Variants in HDAC4 observed in about 807,000 individuals in gnomAD.
HDAC4 encodes histone deacetylase A.
A neutral mutation model predicts 135.1 loss-of-function variants in HDAC4; 16 were observed. That is an observed-to-expected ratio of 0.12 (90% confidence interval 0.08 to 0.18). HDAC4 has a LOEUF of 0.18. HDAC4 is among the 10% of genes least tolerant of loss of function. HDAC4 has a pLI of 1.00. For missense variants in HDAC4, 1,143 were observed against 1,511.8 expected (o/e 0.76, Z 4.05); for synonymous variants, 685 against 653.4 (o/e 1.05, Z -0.74).
chr2:239,165,721 C>T (rs889311026), intron 5 of HDAC4, among the ~76,000 whole-genome samples: 1 of 152,154 alleles, frequency 6.6e-6, no homozygotes, highest in African/African-American at 2.4e-5. Context: ...TCGTGGCTCT[C>T]GGCTGCTCCG....
At chr2:239,163,686 C>G in intron 6 of HDAC4, 117 bp downstream of exon 6, 2 of 1,106,710 alleles carry the variant, frequency 1.8e-6, no homozygotes, top group Non-Finnish European at 2.8e-6. Flanking sequence ...GTTTCAATTC[C>G]TCACCCTCCT....
chr2:239,079,189 G>A (rs958273392), intron 22 of HDAC4, among the ~76,000 whole-genome samples: 1 of 152,222 alleles, frequency 6.6e-6, no homozygotes, highest in Non-Finnish European at 1.5e-5. Flanking sequence ...GCTCATTTTC[G>A]GAAGTGGTAC....
At chr2:239,281,362 ACACAC>A (rs1471520022) in intron 2 of HDAC4, among the ~76,000 whole-genome samples, 2 of 112,358 alleles carry the variant, frequency 1.8e-5, no homozygotes, top group African/African-American at 3.0e-5. Context: ...TCTACAATGA[ACACAC>A]CACTCTACAC....
chr2:239,121,004 T>TTC lies in HDAC4; in HGVS notation c.1533+5451_1533+5452insGA, dbSNP rs1553623212. On this transcript the variant is annotated intron_variant, in intron 12 of 26. Transcript: ENST00000543185. ...CTGATGCTTTCCTTTAAATTTCTTT[T>TTC]TTTTTTTTTTTGAGACAGGGTCTTG... 3.1e-4 allele frequency among the ~76,000 whole-genome samples: 47 copies of TTC among 149,356 alleles called. 1 individual carries two copies. The highest frequency in any genetic ancestry group is 1.1e-3 in the African/African-American group (46 of 41,106).
At chr2:239,136,135 ATGT>A (rs1224474883) in intron 9 of HDAC4, among the ~76,000 whole-genome samples, 1 of 152,334 alleles carries the variant, frequency 6.6e-6, no homozygotes, top group Admixed American at 6.5e-5. Context: ...AAGGAATAAA[ATGT>A]TGTTGTAATC....
At chr2:239,398,017 G>A (rs534631906) in intron 1 of HDAC4, among the ~76,000 whole-genome samples, 11 of 152,310 alleles carry the variant, frequency 7.2e-5, no homozygotes, top group African/African-American at 2.4e-4. Context: ...GCTCAGTCTC[G>A]GTTCCACAGC....
chr2:239,319,331 T>C (rs1381577218), intron 2 of HDAC4, among the ~76,000 whole-genome samples: 2 of 152,206 alleles, frequency 1.3e-5, no homozygotes, highest in Non-Finnish European at 2.9e-5. Flanking sequence ...CACCCAGATA[T>C]TTCAATTCTG....
At chr2:239,103,117 T>C (rs1559432145) in intron 15 of HDAC4, among the ~76,000 whole-genome samples, 1 of 152,228 alleles carries the variant, frequency 6.6e-6, no homozygotes, top group Non-Finnish European at 1.5e-5. Context: ...TAATTATAGC[T>C]TTGAAAAAAC....
At chr2:239,327,649 G>A (rs371013054) in intron 2 of HDAC4, among the ~76,000 whole-genome samples, 5 of 152,196 alleles carry the variant, frequency 3.3e-5, no homozygotes, top group Admixed American at 6.5e-5. Context: ...GACTTGGCCC[G>A]GGACTGCCCT....
intron 2 of HDAC4, among the ~76,000 whole-genome samples, chr2:239,334,534 A>C (rs537284068): frequency 6.6e-6 from 1 of 151,678 alleles, no homozygotes; most frequent in African/African-American, 2.4e-5. Flanking sequence ...ACAAACAAAT[A>C]AAAAAAAACT....
chr2:239,178,023 C>G (rs1338294900), intron 4 of HDAC4, among the ~76,000 whole-genome samples: 2 of 152,246 alleles, frequency 1.3e-5, no homozygotes, highest in African/African-American at 4.8e-5. Context: ...GCACGTCCTT[C>G]CGCTCCTCTG....
intron 2 of HDAC4, among the ~76,000 whole-genome samples, chr2:239,238,688 G>A (rs987792896): frequency 2.0e-5 from 3 of 152,144 alleles, no homozygotes; most frequent in Non-Finnish European, 2.9e-5. Flanking sequence ...CCCAAAAGGC[G>A]GATCCCTCCA....
intron 5 of HDAC4, among the ~76,000 whole-genome samples, chr2:239,174,309 A>G (rs2043623062): frequency 6.6e-6 from 1 of 152,230 alleles, no homozygotes; most frequent in Non-Finnish European, 1.5e-5. Context: ...TATATAAAGA[A>G]CAACTCCAAA....
At chr2:239,390,931 A>G (rs1224620378) in intron 1 of HDAC4, among the ~76,000 whole-genome samples, 1 of 152,202 alleles carries the variant, frequency 6.6e-6, no homozygotes, top group African/African-American at 2.4e-5. Flanking sequence ...AGGGGAGGGA[A>G]AGCGGGGCAG....
chr2:239,396,878 C>T lies in HDAC4; in HGVS notation c.-220+4100G>A, dbSNP rs535280131. On this transcript the variant is annotated intron_variant, in intron 1 of 26. Transcript: ENST00000543185. The stretch of plus-strand genomic sequence containing the variant: ...GAACAACAAACACTAAAAGCTGCTC[C>T]GGCTGAAGTGGACTTGGAGCATTAG... Among the ~76,000 whole-genome samples, 7 of 152,336 alleles carry T rather than the reference C, an allele frequency of 4.6e-5. No homozygotes were observed. The East Asian group carries it at 5.8e-4, about 13-fold the overall frequency.
intron 2 of HDAC4, among the ~76,000 whole-genome samples, chr2:239,311,373 T>C (rs1025302330): frequency 6.6e-6 from 1 of 152,156 alleles, no homozygotes; most frequent in African/African-American, 2.4e-5. Context: ...TGGGTAGCAT[T>C]TGTCAAGCGC....
intron 12 of HDAC4, among the ~76,000 whole-genome samples, chr2:239,124,934 G>A (rs940323741): frequency 4.7e-5 from 7 of 149,610 alleles, no homozygotes; most frequent in Admixed American, 1.3e-4. Context: ...GTGTGGCTGC[G>A]TTATATGACA....
At chr2:239,354,998 C>T (rs1575740768) in intron 1 of HDAC4, among the ~76,000 whole-genome samples, 1 of 152,118 alleles carries the variant, frequency 6.6e-6, no homozygotes, top group Admixed American at 6.5e-5. Context: ...AAGTTTAAGT[C>T]CAGCTCAATT....
rs957550247 is a variant in HDAC4, at chr2:239,167,126, G to A, written c.491-3203C>T. Among the ~76,000 whole-genome samples, 16 of 152,184 alleles carry A rather than the reference G, an allele frequency of 1.1e-4. No individual in the cohort carries two copies. The highest frequency in any genetic ancestry group is 8.5e-4 in the Admixed American group (13 of 15,300). ...AGAGCAGGACAAGAAGCAGGTTCTC[G>A]GTGTGCGGGACGAGGACGCCCTCAA... On this transcript the variant is annotated intron_variant, in intron 5 of 26. Transcript: ENST00000543185. The surrounding 1 kb of genome is among the most constrained non-coding windows in gnomAD (Gnocchi z 4.1).
Sources: allele counts gnomAD v4.1 joint callset (sites outside exome capture counted in the v4.1 genomes callset), GRCh38; gene constraint gnomAD v4.1.1; non-coding constraint Gnocchi (gnomAD v3.1); transcripts MANE v1.5; gene names NCBI Gene and HGNC (gene_info 2026-07-23, HGNC 2026-07-21).